The following RPTOR variants were observed in gnomAD, a reference collection of about 807,000 sequenced individuals.
The protein encoded by RPTOR is regulatory-associated protein of mTOR.
RPTOR carries 21 observed loss-of-function variants against 169.9 expected under a neutral mutation model. The ratio of observed to expected loss-of-function variants is 0.12; its 90% CI spans 0.09 to 0.18. The LOEUF (loss-of-function observed/expected upper bound fraction) is 0.18. Among genes scored for constraint, RPTOR ranks in the 10% least tolerant of loss-of-function variants. The pLI is 1.00. For missense variants in RPTOR, 1,133 were observed against 1,855.9 expected (o/e 0.61, Z 7.16); for synonymous variants, 732 against 753.2 (o/e 0.97, Z 0.46).
At chr17:80,788,741 A>C (rs1438495719) in intron 6 of RPTOR, among the ~76,000 whole-genome samples, 1 of 152,248 alleles carries the variant, frequency 6.6e-6, no homozygotes, top group African/African-American at 2.4e-5. Flanking sequence ...ATCAGTATAA[A>C]AGACAGAACA....
At chr17:80,673,305 A>G (rs1459772316) in intron 3 of RPTOR, among the ~76,000 whole-genome samples, 4 of 152,212 alleles carry the variant, frequency 2.6e-5, no homozygotes, top group Non-Finnish European at 5.9e-5. Context: ...GAAGGAGCCA[A>G]ATCAGGACTG....
At chr17:80,595,084 A>AAG (rs368899671) in intron 1 of RPTOR, among the ~76,000 whole-genome samples, 13 of 151,624 alleles carry the variant, frequency 8.6e-5, no homozygotes, top group South Asian at 4.2e-4. Flanking sequence ...GGAGAAGAGA[A>AAG]AGAGAGAGAG....
chr17:80,717,541 C>T (rs954059523), intron 4 of RPTOR, among the ~76,000 whole-genome samples: 4 of 152,096 alleles, frequency 2.6e-5, no homozygotes, highest in African/African-American at 7.2e-5. Flanking sequence ...CGGAGACAGG[C>T]GCGTGTTCTT....
At chr17:80,685,636 T>TTTTTTTTA (rs1555607034) in intron 3 of RPTOR, among the ~76,000 whole-genome samples, 1 of 55,632 alleles carries the variant, frequency 1.8e-5, no homozygotes, top group East Asian at 5.8e-4. Context: ...TATTTTTTTT[T>TTTTTTTTA]TTTTTTTTTT....
At chr17:80,918,467 GCCGGAGTCATAGCCACGAGCA>G (rs1567986088) in intron 21 of RPTOR, among the ~76,000 whole-genome samples, 2 of 144,546 alleles carry the variant, frequency 1.4e-5, no homozygotes, top group East Asian at 4.0e-4. Context: ...GAGCACCCTC[GCCGGAGTCATAGCCACGAGCA>G]CCCTCGCGGG....
At chr17:80,889,487 A>T (rs972618462) in intron 17 of RPTOR, among the ~76,000 whole-genome samples, 1 of 152,116 alleles carries the variant, frequency 6.6e-6, no homozygotes, top group African/African-American at 2.4e-5. Flanking sequence ...CGTGGCCACT[A>T]ATGTGGCCTC....
At chr17:80,724,309 G>A (rs1377448963) in intron 4 of RPTOR, among the ~76,000 whole-genome samples, 3 of 151,082 alleles carry the variant, frequency 2.0e-5, no homozygotes, top group East Asian at 3.9e-4. Flanking sequence ...AGGATGGAAG[G>A]GTCAGGAGAG....
chr17:80,698,153 G>A (rs1022632570), intron 3 of RPTOR, among the ~76,000 whole-genome samples: 4 of 152,186 alleles, frequency 2.6e-5, no homozygotes, highest in Non-Finnish European at 5.9e-5. Flanking sequence ...AAAGTAGGAG[G>A]GTGAGGAACG....
At chr17:80,891,569 G>A (rs1197038959) in intron 17 of RPTOR, 151 bp from the exon 18 acceptor site, 11 of 648,938 alleles carry the variant, frequency 1.7e-5, no homozygotes, top group East Asian at 2.5e-5. Context: ...CTGCTCTGAC[G>A]GTTCGAAAAG....
intron 3 of RPTOR, among the ~76,000 whole-genome samples, chr17:80,648,197 A>G (rs1357180117): frequency 6.6e-6 from 1 of 152,080 alleles, no homozygotes; most frequent in African/African-American, 2.4e-5. Context: ...TGCTTTTATG[A>G]GATGCTTTGA....
rs1041023061 is a variant in RPTOR at position 80,820,505 on chromosome 17, G to C, written c.891-1696G>C. Among the ~76,000 whole-genome samples, 4 of 152,174 alleles carry C rather than the reference G, an allele frequency of 2.6e-5. No homozygotes were observed. The highest frequency in any genetic ancestry group is 4.8e-5 in the African/African-American group (2 of 41,440). ...GGTAAAATGAGTTCCTGGATTGTTT[G>C]CTTGCATTTCATAAGGAAATGTCTT... On this transcript the variant is annotated intron_variant, in intron 7 of 33. Coordinates refer to ENST00000306801, the MANE Select transcript of RPTOR (RefSeq NM_020761.3). This position sits in a 1 kb window ranked among gnomAD's most constrained non-coding sequence, Gnocchi z 4.1.
At chr17:80,599,936 T>C (rs1416453361) in intron 1 of RPTOR, among the ~76,000 whole-genome samples, 9 of 152,138 alleles carry the variant, frequency 5.9e-5, no homozygotes, top group Non-Finnish European at 1.0e-4. Context: ...TTCTCCTTGG[T>C]GTAAAGGAAG....
At chr17:80,734,293 C>T (rs1598265432) in intron 5 of RPTOR, among the ~76,000 whole-genome samples, 1 of 152,236 alleles carries the variant, frequency 6.6e-6, no homozygotes, top group South Asian at 2.1e-4. Context: ...TCTCCTGCCT[C>T]GCTCAGCCGA....
chr17:80,629,845 T>C (rs1444986235), intron 2 of RPTOR, among the ~76,000 whole-genome samples: 1 of 152,164 alleles, frequency 6.6e-6, no homozygotes, highest in Non-Finnish European at 1.5e-5. Flanking sequence ...TTGGACATTG[T>C]ACCACAGCTC....
rs62068304 is a variant in RPTOR, at chr17:80,609,617, C to T, written c.163-16074C>T. ...AAAATTAGCCGGGCATGATGGCGCACGCCTGTAATTCCGGCTACTCAGGAG... is the reference window on the plus strand; with the variant it reads ...AAAATTAGCCGGGCATGATGGCGCATGCCTGTAATTCCGGCTACTCAGGAG... On this transcript the variant is annotated intron_variant, in intron 1 of 33. Transcript: ENST00000306801. The surrounding 1 kb of genome is among the most constrained non-coding windows in gnomAD (Gnocchi z 4.8). 0.056 allele frequency among the ~76,000 whole-genome samples: 8,445 copies of T among 152,150 alleles called. 295 individuals are homozygous for T. Among genetic ancestry groups the T allele is most frequent in the Non-Finnish European group, 0.082 (5,558 of 68,000 alleles).
chr17:80,948,334 C>G (rs1013281469), intron 27 of RPTOR, among the ~76,000 whole-genome samples: 1 of 152,264 alleles, frequency 6.6e-6, no homozygotes, highest in Non-Finnish European at 1.5e-5. Flanking sequence ...AGCGCTGCCC[C>G]CTCAGGACCA....
At chr17:80,620,430 G>A (rs1003657230) in intron 1 of RPTOR, among the ~76,000 whole-genome samples, 3 of 152,060 alleles carry the variant, frequency 2.0e-5, no homozygotes, top group African/African-American at 7.2e-5. Flanking sequence ...AAAATACAAT[G>A]CCAAAAAGAC....
At chr17:80,673,367 C>T (rs749802282) in intron 3 of RPTOR, among the ~76,000 whole-genome samples, 20 of 152,276 alleles carry the variant, frequency 1.3e-4, no homozygotes, top group Admixed American at 7.8e-4. Flanking sequence ...CAAAGTTCCC[C>T]TTGTTGGATG....
intron 3 of RPTOR, among the ~76,000 whole-genome samples, chr17:80,685,627 A>ATATATATATATTTTTTTT (rs1269766086): frequency 3.3e-5 from 1 of 30,686 alleles, no homozygotes; most frequent in Non-Finnish European, 5.4e-5. Flanking sequence ...ATATATATAT[A>ATATATATATATTTTTTTT]TTTTTTTTTT....
Sources: allele counts gnomAD v4.1 joint callset (sites outside exome capture counted in the v4.1 genomes callset), GRCh38; gene constraint gnomAD v4.1.1; non-coding constraint Gnocchi (gnomAD v3.1); transcripts MANE v1.5; gene names NCBI Gene and HGNC (gene_info 2026-07-23, HGNC 2026-07-21).